FGF17: variants seen among roughly 807,000 people sequenced by gnomAD.
FGF17 encodes fibroblast growth factor 17.
In FGF17, 5 loss-of-function variants were observed where a neutral mutation model predicts 23.5. That is an observed-to-expected ratio of 0.21 (90% confidence interval 0.11 to 0.45). The LOEUF (loss-of-function observed/expected upper bound fraction) is 0.45. Among genes scored for constraint, FGF17 ranks in the 20% least tolerant of loss-of-function variants. The pLI, the probability that FGF17 is intolerant of heterozygous loss-of-function variation, is 0.99. For missense variants in FGF17, 221 were observed against 306.9 expected, an observed-to-expected ratio of 0.72 and a Z score of 2.09; for synonymous variants, 136 against 123.0, an observed-to-expected ratio of 1.11 and a Z score of -0.70.
intron 4 of FGF17, among the ~76,000 whole-genome samples, chr8:22,046,969 T>C (rs1217299974): frequency 6.7e-6 from 1 of 148,944 alleles, no homozygotes; most frequent in Non-Finnish European, 1.5e-5. Context: ...TTTTTTTTTG[T>C]AGAGATAGGG....
intron 2 of FGF17, chr8:22,045,292 C>A (rs1436427933): frequency 5.1e-6 from 5 of 985,940 alleles, no homozygotes; most frequent in Non-Finnish European, 6.0e-6. Context: ...GGCTAAGGAG[C>A]TGCCTGCCAG....
chr8:22,048,195 C>T lies in FGF17; in HGVS notation c.597C>T (p.Gly199=), dbSNP rs147413881. ...AGCAGAAGCAGTTCGAGTTTGTGGG[C>T]TCCGCCCCCACCCGCCGGACCAAGC... ...AEKQKQFEFV[G]SAPTRRTKRT... The change falls in exon 5 of 5, where the codon GGC becomes GGT. Residue 199 remains glycine, a synonymous_variant. Coordinates refer to ENST00000359441, the MANE Select transcript of FGF17 (RefSeq NM_003867.4). The surrounding 1 kb of genome is among the most constrained non-coding windows in gnomAD (Gnocchi z 6.9). 7,762 of 1,612,152 alleles carry T rather than the reference C, an allele frequency of 4.8e-3. 34 individuals carry two copies. The highest frequency in any genetic ancestry group is 6.2e-3 in the Admixed American group (373 of 59,916).
intron 2 of FGF17, 69 bp from the exon 3 acceptor site, chr8:22,046,045 C>T (rs1202098901): frequency 6.2e-7 from 1 of 1,613,294 alleles, no homozygotes; most frequent in Admixed American, 1.7e-5. Context: ...CACCCCTCTC[C>T]CTTGGATGGA....
At position 22,046,173 on chromosome 8, in the gene FGF17, C is replaced by T. The variant is rs762037141; in HGVS notation, c.132C>T (p.Thr44=). Residue 44 remains threonine, a synonymous_variant, in exon 3 of 5, where the codon ACC becomes ACT. Coordinates refer to ENST00000359441, the MANE Select transcript of FGF17 (RefSeq NM_003867.4). The part of the protein sequence containing the change: ...NQYVRDQGAM[T]DQLSRRQIRE... ...ACGTGAGGGACCAGGGCGCCATGAC[C>T]GACCAGCTGAGCAGGCGGCAGATCC... 3.7e-5 allele frequency: 59 copies of T among 1,614,046 alleles called. No individual in the cohort carries two copies. The highest frequency in any genetic ancestry group is 4.8e-5 in the Non-Finnish European group (57 of 1,180,050).
In FGF17 at chr8:22,048,251, C is replaced by G. The variant is rs1238464141; in HGVS notation, c.*2C>G. Reference sequence around the variant, plus strand: ...CGGCGGCCCCAGCCCCTCACGTAGTCTGGGAGGCAGGGGGCAGCAGCCCCT... The same window carrying G: ...CGGCGGCCCCAGCCCCTCACGTAGTGTGGGAGGCAGGGGGCAGCAGCCCCT... On this transcript the variant is annotated 3_prime_UTR_variant, in exon 5 of 5. Coordinates refer to ENST00000359441, the MANE Select transcript of FGF17 (RefSeq NM_003867.4). This position sits in a 1 kb window ranked among gnomAD's most constrained non-coding sequence, Gnocchi z 6.9. The G allele has an allele frequency of 6.3e-7, 1 of 1,595,308 alleles. No homozygotes were observed. The highest frequency in any genetic ancestry group is 8.5e-7 in the Non-Finnish European group (1 of 1,170,384).
upstream of FGF17, among the ~76,000 whole-genome samples, chr8:22,040,117 G>T (rs1190658147): frequency 6.6e-6 from 1 of 151,688 alleles, no homozygotes; most frequent in African/African-American, 2.4e-5. Flanking sequence ...AAGGGAGAGA[G>T]TCTGACAGTT....
intron 3 of FGF17, 40 bp from the exon 4 acceptor site, chr8:22,046,487 C>T (rs1381518306): frequency 1.3e-6 from 2 of 1,546,318 alleles, no homozygotes. Context: ...AGGCCGGCAG[C>T]CCCGATGGAC....
rs773631834 is a variant in FGF17, at chr8:22,042,951, C to A, written c.23C>A (p.Pro8His). Residue 8 changes from proline to histidine, a missense_variant, in exon 1 of 5, where the codon CCC (proline) becomes CAC (histidine). Around this residue, in one of 3 missense-constraint regions of FGF17, gnomAD observed 35 missense variants for 35.5 expected, o/e 0.99. Transcript: ENST00000359441. ...GCGATGGGAGCCGCCCGCCTGCTGC[C>A]CAACCTCACTCTGTAAGTGTGCTAC... MGAARLL[P>H]NLTLCLQLLI... The A allele has an allele frequency of 1.2e-5, 19 of 1,613,416 alleles. No individual in the cohort carries two copies. The South Asian group carries it at 1.7e-4, about 14-fold the overall frequency.
chr8:22,045,105 T>A (rs1800835041), intron 2 of FGF17: 1 of 985,390 alleles, frequency 1.0e-6, no homozygotes, highest in Non-Finnish European at 1.2e-6. Context: ...GGGGAAGAAG[T>A]ACTCAGTCTC....
intron 1 of FGF17, 81 bp downstream of exon 1, chr8:22,043,044 G>T: frequency 6.2e-7 from 1 of 1,600,842 alleles, no homozygotes; most frequent in South Asian, 1.1e-5. Context: ...GGACTCCCAC[G>T]CGTGCGTGCA....
At chr8:22,040,351 GGGATAAAATCAA>G (rs776505280), upstream of FGF17, among the ~76,000 whole-genome samples, 65 of 152,358 alleles carry the variant, frequency 4.3e-4, no homozygotes, top group Non-Finnish European at 6.9e-4. Context: ...CAAAGGGGCG[GGGATAAAATCAA>G]GGGCTCCATG....
chr8:22,043,021 C>G, intron 1 of FGF17, 58 bp downstream of exon 1: 1 of 1,604,286 alleles, frequency 6.2e-7, no homozygotes, highest in Non-Finnish European at 8.5e-7. Flanking sequence ...TCAGGGCAGC[C>G]CTCCTCTTCC....
chr8:22,046,722 C>T, intron 4 of FGF17, 89 bp downstream of exon 4: 1 of 839,422 alleles, frequency 1.2e-6, no homozygotes, highest in Non-Finnish European at 2.0e-6. Context: ...CTCCTCTGAG[C>T]CACACACCCT....
At chr8:22,042,745 T>A, upstream of FGF17, 6 of 601,236 alleles carry the variant, frequency 1.0e-5, no homozygotes, top group Non-Finnish European at 1.5e-5. Context: ...AATTACGCCC[T>A]CCTCCTCCCC....
chr8:22,045,954 C>G, intron 2 of FGF17, 160 bp from the exon 3 acceptor site: 6 of 1,538,400 alleles, frequency 3.9e-6, no homozygotes, highest in Non-Finnish European at 3.5e-6. Context: ...ACCGGCTCAC[C>G]CAGGGGCCTG....
At chr8:22,046,031 T>C in intron 2 of FGF17, 83 bp from the exon 3 acceptor site, 1 of 1,611,484 alleles carries the variant, frequency 6.2e-7, no homozygotes, top group Non-Finnish European at 8.5e-7. Context: ...TATATTCACC[T>C]CCTCACCCCT....
Position 22,046,018 on chromosome 8 carries a change from C to T in FGF17, c.73-96C>T, listed in dbSNP as rs559006998. 56 of 1,606,510 alleles carry T rather than the reference C, an allele frequency of 3.5e-5. 1 individual carries two copies. The South Asian group carries it at 5.9e-4, about 17-fold the overall frequency. ...CTCTGCAGGACAAGTGGCCTGTCCC[C>T]ACTATATTCACCTCCTCACCCCTCT... On this transcript the variant is annotated intron_variant, in intron 2 of 4. Transcript: ENST00000359441.
upstream of FGF17, among the ~76,000 whole-genome samples, chr8:22,041,150 C>T (rs1372117180): frequency 6.6e-6 from 1 of 152,128 alleles, no homozygotes; most frequent in Admixed American, 6.5e-5. Context: ...ATTCCAAAAC[C>T]CTGGACTCCC....
intron 3 of FGF17, 36 bp from the exon 4 acceptor site, chr8:22,046,490 CG>C: frequency 6.4e-7 from 1 of 1,555,942 alleles, no homozygotes; most frequent in Non-Finnish European, 8.8e-7. Context: ...CCGGCAGCCC[CG>C]ATGGACGGAG....
Sources: gnomAD v4.1 joint callset for allele counts (sites outside exome capture counted in the v4.1 genomes callset) on GRCh38, gnomAD v4.1.1 for gene constraint, gnomAD v4.1.1 regional missense constraint, Gnocchi (gnomAD v3.1) non-coding constraint, MANE v1.5 for transcripts, NCBI Gene and HGNC (gene_info 2026-07-23, HGNC 2026-07-21) for gene names.